Variants in GAGE1 observed in about 807,000 individuals in gnomAD.
GAGE1 encodes the protein G antigen 1, also known as G antigen 4.
In GAGE1, 5 loss-of-function variants were observed where a neutral mutation model predicts 5.0. The ratio of observed to expected loss-of-function variants is 1.00; its 90% CI spans 0.52 to 2.11. The LOEUF (loss-of-function observed/expected upper bound fraction) is 2.11. GAGE1 is among the 30% of genes most tolerant of loss of function. The probability of loss-of-function intolerance (pLI) is 0.01; values close to 1 mark genes in which losing one functional copy is unlikely to be tolerated. For missense variants in GAGE1, 9 were observed against 38.9 expected (o/e 0.23, Z 2.04); for synonymous variants, 6 against 14.8 (o/e 0.40, Z 1.37).
chrX:49,604,242 GC>G (rs1281700060), intron 4 of GAGE1, among the ~76,000 whole-genome samples: 1 of 112,505 alleles, frequency 8.9e-6, no homozygotes, highest in South Asian at 3.7e-4. Flanking sequence ...TGTAGTTCAG[GC>G]CCCAGCACCC....
intron 4 of GAGE1, chrX:49,604,990 T>G: frequency 2.1e-6 from 2 of 956,317 alleles, no homozygotes; most frequent in Non-Finnish European, 2.8e-6. Flanking sequence ...TTTTTTTCAT[T>G]TTTGTAGAGA....
In GAGE1 at chrX:49,606,526, T is replaced by G. The variant is rs2066660888; in HGVS notation, c.*511T>G. 8.9e-6 allele frequency: 1 copy of G among 112,076 alleles called. No homozygotes were observed. The highest frequency in any genetic ancestry group is 1.9e-5 in the Non-Finnish European group (1 of 53,278). 9.2% of individuals were successfully genotyped at this position (112,076 alleles called of 1,213,427 possible). A position where few individuals can be genotyped will look rare whatever the true frequency, so the allele number is the denominator to read the frequency against. ...CCTGTTTTTGCCATTTTAAACCCTT[T>G]TATTTCCTTTTCTGATTTTATGGCA... On this transcript the variant is annotated 3_prime_UTR_variant, in exon 5 of 5. Coordinates refer to ENST00000381700, the MANE Select transcript of GAGE1 (RefSeq NM_001040663.4).
At position 49,604,869 on chromosome X, in the gene GAGE1, G is replaced by A. The variant is rs782098280; in HGVS notation, c.331+1076G>A. 4 of 260,886 alleles carry A rather than the reference G, an allele frequency of 1.5e-5. No individual in the cohort carries two copies. The East Asian group carries it at 3.1e-4, about 20-fold the overall frequency. The allele number at this position is 260,886 out of a possible 1,213,427, so 21.5% of individuals were successfully genotyped here. A position where few individuals can be genotyped will look rare whatever the true frequency, so the allele number is the denominator to read the frequency against. On this transcript the variant is annotated intron_variant, in intron 4 of 4. Coordinates refer to ENST00000381700, the MANE Select transcript of GAGE1 (RefSeq NM_001040663.4). ...GTCACCCAGGGTGGAGTGCAGTGGT[G>A]TACTTTCAGCTCACTGCAACCTCTG...
intron 4 of GAGE1, chrX:49,605,039 C>A (rs142123887): frequency 2.0e-6 from 2 of 1,022,393 alleles, no homozygotes; most frequent in Middle Eastern, 2.9e-4. Flanking sequence ...GATTCTCTGG[C>A]TTTTAATGAA....
At position 49,601,791 on chromosome X, in the gene GAGE1, T is replaced by C. The variant is rs1465915586; in HGVS notation, c.205+947T>C. On this transcript the variant is annotated intron_variant, in intron 3 of 4. Coordinates refer to ENST00000381700, the MANE Select transcript of GAGE1 (RefSeq NM_001040663.4). Reference sequence around the variant, plus strand: ...CTTTATTTGAACAAAGTGAAGTTTCTCTTTACCCCAATAGGTAATGGGTGT... The same window carrying C: ...CTTTATTTGAACAAAGTGAAGTTTCCCTTTACCCCAATAGGTAATGGGTGT... Among the ~76,000 whole-genome samples the C allele has an allele frequency of 1.6e-4, 9 of 54,593 alleles. No individual in the cohort carries two copies. In the East Asian group the frequency reaches 5.3e-3, roughly 32 times the overall value. 47.4% of individuals were successfully genotyped at this position (54,593 alleles called of 115,157 possible). A position where few individuals can be genotyped will look rare whatever the true frequency, so the allele number is the denominator to read the frequency against.
At position 49,602,528 on chromosome X, in the gene GAGE1, T is replaced by C. The variant is rs1286530499; in HGVS notation, c.206-1140T>C. On this transcript the variant is annotated intron_variant, in intron 3 of 4. Transcript: ENST00000381700. ...TTCGCTTCATAGGTTTCACATCTCT[T>C]CCCTCCGTCTCTTACCGTGCTGCCC... Among the ~76,000 whole-genome samples the C allele has an allele frequency of 2.8e-4, 22 of 78,381 alleles. 3 individuals are homozygous for C. Among genetic ancestry groups the C allele is most frequent in the African/African-American group, 7.4e-4 (21 of 28,509 alleles). The allele number at this position is 78,381 out of a possible 115,157, so 68.1% of individuals were successfully genotyped here. A position where few individuals can be genotyped will look rare whatever the true frequency, so the allele number is the denominator to read the frequency against.
chrX:49,604,537 A>G (rs1369240476), intron 4 of GAGE1, among the ~76,000 whole-genome samples: 1 of 112,141 alleles, frequency 8.9e-6, no homozygotes, highest in African/African-American at 3.2e-5. Context: ...TAGTGAGTTT[A>G]AGTCAGAGAT....
chrX:49,604,922 C>G (rs1314013814), intron 4 of GAGE1: 1 of 391,106 alleles, frequency 2.6e-6, no homozygotes, highest in South Asian at 3.0e-5. Flanking sequence ...GTCCTCCCAC[C>G]TCAGCCTCCT....
intron 4 of GAGE1, chrX:49,605,257 G>A: frequency 1.3e-5 from 8 of 621,120 alleles, no homozygotes; most frequent in Non-Finnish European, 1.5e-5. Context: ...ACACACATAT[G>A]ATATAATCAT....
intron 4 of GAGE1, among the ~76,000 whole-genome samples, chrX:49,604,128 C>A (rs1419024935): frequency 8.9e-6 from 1 of 112,853 alleles, no homozygotes; most frequent in Non-Finnish European, 1.9e-5. Context: ...GCCGGGATTA[C>A]AGGCGAGAGC....
In GAGE1 at chrX:49,607,359, A is replaced by G. The variant is rs2066664916; in HGVS notation, c.*1344A>G. On this transcript the variant is annotated 3_prime_UTR_variant, in exon 5 of 5. Transcript: ENST00000381700. ...TTTTATGTATATCCTCATGAGTGACATTACCTGTACTTTTATTTCATATGC... is the reference window on the plus strand; with the variant it reads ...TTTTATGTATATCCTCATGAGTGACGTTACCTGTACTTTTATTTCATATGC... 1 of 111,911 alleles carries G rather than the reference A, an allele frequency of 8.9e-6. No homozygotes were observed. Among genetic ancestry groups the G allele is most frequent in the South Asian group, 3.7e-4 (1 of 2,674 alleles). The allele number at this position is 111,911 out of a possible 1,213,427, so 9.2% of individuals were successfully genotyped here. A position where few individuals can be genotyped will look rare whatever the true frequency, so the allele number is the denominator to read the frequency against.
intron 4 of GAGE1, among the ~76,000 whole-genome samples, 153 bp from the exon 5 acceptor site, chrX:49,605,840 C>T (rs1453266502): frequency 3.0e-4 from 33 of 108,559 alleles, no homozygotes; most frequent in African/African-American, 1.1e-3. Context: ...ACCCAGAAGG[C>T]GGACGTTGCA....
chrX:49,605,202 C>T lies in GAGE1; in HGVS notation c.332-791C>T, dbSNP rs185505825. On this transcript the variant is annotated intron_variant, in intron 4 of 4. Coordinates refer to ENST00000381700, the MANE Select transcript of GAGE1 (RefSeq NM_001040663.4). ...TGCCTGTGCTATGCATGCTCCCTGC[C>T]CCACTGTCAGTCTTGATGAGCCACT... 2,094 of 862,171 alleles carry T rather than the reference C, an allele frequency of 2.4e-3. 5 individuals carry two copies. The highest frequency in any genetic ancestry group is 2.8e-3 in the Non-Finnish European group (1,825 of 660,702). The allele number at this position is 862,171 out of a possible 1,213,427, so 71.1% of individuals were successfully genotyped here.
chrX:49,604,070 C>T (rs1353422703), intron 4 of GAGE1, among the ~76,000 whole-genome samples: 1 of 112,604 alleles, frequency 8.9e-6, no homozygotes, highest in African/African-American at 3.2e-5. Context: ...ACAGGTTGTT[C>T]CCGAACTCCT....
chrX:49,602,560 T>TCACACACA (rs60317552), intron 3 of GAGE1, among the ~76,000 whole-genome samples: 2 of 72,026 alleles, frequency 2.8e-5, no homozygotes, highest in African/African-American at 3.7e-5. Flanking sequence ...GCCCACACAC[T>TCACACACA]CACACACACA....
rs2066664982 is a variant in GAGE1, at chrX:49,607,371, T to C, written c.*1356T>C. 1 of 112,069 alleles carries C rather than the reference T, an allele frequency of 8.9e-6. No homozygotes were observed. 9.2% of individuals were successfully genotyped at this position (112,069 alleles called of 1,213,427 possible). On this transcript the variant is annotated 3_prime_UTR_variant, in exon 5 of 5. Coordinates refer to ENST00000381700, the MANE Select transcript of GAGE1 (RefSeq NM_001040663.4). ...CCTCATGAGTGACATTACCTGTACT[T>C]TTATTTCATATGCTCATTTGTTGGA...
intron 4 of GAGE1, among the ~76,000 whole-genome samples, chrX:49,604,225 T>G (rs1478011338): frequency 1.8e-5 from 2 of 112,586 alleles, no homozygotes; most frequent in African/African-American, 6.4e-5. Context: ...ATAAAGGTTA[T>G]TTGAAATGTA....
At chrX:49,605,313 A>T (rs1412350334) in intron 4 of GAGE1, among the ~76,000 whole-genome samples, 1 of 112,313 alleles carries the variant, frequency 8.9e-6, no homozygotes, top group African/African-American at 3.2e-5. Flanking sequence ...CTTTAGAGAC[A>T]TGAATTGATA....
rs782502974 is a variant in GAGE1 at position 49,606,042 on chromosome X, C to T, written c.*27C>T. The T allele has an allele frequency of 1.9e-6, 2 of 1,029,518 alleles. No homozygotes were observed. The highest frequency in any genetic ancestry group is 2.5e-6 in the Non-Finnish European group (2 of 789,462). The allele number at this position is 1,029,518 out of a possible 1,213,427, so 84.8% of individuals were successfully genotyped here. Reference sequence around the variant, plus strand: ...AGAAGACATGCTGAAATGTTGCAGGCTGCTCCTATGTTGGAAAATTCTTCA... The same window carrying T: ...AGAAGACATGCTGAAATGTTGCAGGTTGCTCCTATGTTGGAAAATTCTTCA... On this transcript the variant is annotated 3_prime_UTR_variant, in exon 5 of 5. Coordinates refer to ENST00000381700, the MANE Select transcript of GAGE1 (RefSeq NM_001040663.4).
Sources: gnomAD v4.1 joint callset for allele counts (sites outside exome capture counted in the v4.1 genomes callset) on GRCh38, gnomAD v4.1.1 for gene constraint, MANE v1.5 for transcripts, NCBI Gene and HGNC (gene_info 2026-07-23, HGNC 2026-07-21) for gene names.